PPL: variants seen among roughly 807,000 people sequenced by gnomAD.
PPL encodes the protein 190 kDa paraneoplastic pemphigus antigen.
A neutral mutation model predicts 194.4 loss-of-function variants in PPL; 198 were observed. The observed-to-expected ratio is 1.02, with a 90% CI of 0.91 to 1.15. PPL has a LOEUF of 1.15. PPL is among the 50% of genes most tolerant of loss of function. The probability of loss-of-function intolerance (pLI) is 0.00; values close to 1 mark genes in which losing one functional copy is unlikely to be tolerated. For synonymous variants in PPL, 1,220 were observed against 972.4 expected, an observed-to-expected ratio of 1.25 and a Z score of -4.74; for missense variants, 2,885 against 2,294.8, an observed-to-expected ratio of 1.26 and a Z score of -5.25.
At position 4,889,248 on chromosome 16, in the gene PPL, T is replaced by TGG. The variant is rs1567992876; in HGVS notation, c.2314-188_2314-187insCC. Among the ~76,000 whole-genome samples, 421 of 72,938 alleles carry TGG rather than the reference T, an allele frequency of 5.8e-3. 37 individuals carry two copies. The highest frequency in any genetic ancestry group is 0.02 in the African/African-American group (391 of 19,220). 47.9% of individuals were successfully genotyped at this position (72,938 alleles called of 152,430 possible). ...AGTTTTTTTGTTGTTGTTGTTTTTT[T>TGG]TTTTTTTTTTTTTTTTTTTTTTTTT... is the stretch of plus-strand genomic sequence containing the variant. On this transcript the variant is annotated intron_variant, in intron 18 of 21. Transcript: ENST00000345988.
In PPL at chr16:4,902,241, C is replaced by T. The variant is rs2088588581; in HGVS notation, c.438+165G>A. Among the ~76,000 whole-genome samples the T allele has an allele frequency of 6.6e-6, 1 of 152,200 alleles. No individual in the cohort carries two copies. The highest frequency in any genetic ancestry group is 1.5e-5 in the Non-Finnish European group (1 of 68,032). On this transcript the variant is annotated intron_variant, in intron 4 of 21. Transcript: ENST00000345988. This position sits in a 1 kb window ranked among gnomAD's most constrained non-coding sequence, Gnocchi z 4.0. ...GTGACCCTGACTTCGTGCTGCACTT[C>T]TCTGAGCCTCACTCTTCTCATGGGC...
At chr16:4,919,219 C>T (rs541912332) in intron 1 of PPL, among the ~76,000 whole-genome samples, 1 of 152,304 alleles carries the variant, frequency 6.6e-6, no homozygotes, top group Non-Finnish European at 1.5e-5. Flanking sequence ...GCCATCCAGC[C>T]CCACCTGCTC....
intron 1 of PPL, among the ~76,000 whole-genome samples, chr16:4,914,501 G>A (rs72633276): frequency 0.11 from 16,422 of 152,152 alleles, 1,169 homozygotes; most frequent in East Asian, 0.25. Flanking sequence ...CTTGCTTAAG[G>A]GCCAGCTTTG....
rs776708107 is a variant in PPL at position 4,884,040 on chromosome 16, G to A, written c.4615C>T (p.Arg1539Trp). 10 of 1,613,446 alleles carry A rather than the reference G, an allele frequency of 6.2e-6. No individual in the cohort carries two copies. Among genetic ancestry groups the A allele is most frequent in the African/African-American group, 5.3e-5 (4 of 74,922 alleles). Reference sequence around the variant, plus strand: ...AGCTCCGAAAGCCTGGCTTCCAGCCGGCTCACCTCGACGTCCAGCTCGCGC... The same window carrying A: ...AGCTCCGAAAGCCTGGCTTCCAGCCAGCTCACCTCGACGTCCAGCTCGCGC... Reference protein sequence around the residue: ...SKRELDVEVSRLEARLSELEF... With the variant: ...SKRELDVEVSWLEARLSELEF... Residue 1539 changes from arginine to tryptophan, a missense_variant, in exon 22 of 22, where the codon CGG (arginine) becomes TGG (tryptophan). Coordinates refer to ENST00000345988, the MANE Select transcript of PPL (RefSeq NM_002705.5). This position sits in a 1 kb window ranked among gnomAD's most constrained non-coding sequence, Gnocchi z 5.7.
chr16:4,921,011 G>A (rs1344062429), intron 1 of PPL, among the ~76,000 whole-genome samples: 1 of 152,214 alleles, frequency 6.6e-6, no homozygotes, highest in East Asian at 1.9e-4. Flanking sequence ...CAGCCTTGTT[G>A]ACGCTGTGGG....
chr16:4,928,534 C>A (rs2089187875), intron 1 of PPL, among the ~76,000 whole-genome samples: 1 of 152,246 alleles, frequency 6.6e-6, no homozygotes, highest in Non-Finnish European at 1.5e-5. Flanking sequence ...AGAAATAGAA[C>A]TTGCAGAATT....
Position 4,887,121 on chromosome 16 carries a change from C to T in PPL, c.2607+14G>A. 6.3e-7 allele frequency: 1 copy of T among 1,592,820 alleles called. No individual in the cohort carries two copies. On this transcript the variant is annotated intron_variant, in intron 21 of 21. Coordinates refer to ENST00000345988, the MANE Select transcript of PPL (RefSeq NM_002705.5). ...GAACAGCCTGAAGTAGAATTTCTTA[C>T]TAAGATCAGTTACCTGTCTGAGGAG...
At chr16:4,935,239 G>C (rs2089281439) in intron 1 of PPL, among the ~76,000 whole-genome samples, 1 of 152,192 alleles carries the variant, frequency 6.6e-6, no homozygotes, top group South Asian at 2.1e-4. Flanking sequence ...GCTTGTCTGG[G>C]TTCATTAGAA....
intron 3 of PPL, among the ~76,000 whole-genome samples, chr16:4,903,363 C>A (rs150579611): frequency 3.9e-5 from 6 of 152,304 alleles, no homozygotes; most frequent in African/African-American, 1.4e-4. Flanking sequence ...GGGATATCAA[C>A]TCCCTAAGCC....
rs1422618615 is a variant in PPL, at chr16:4,884,158, C to T, written c.4497G>A (p.Val1499=). 2 of 1,613,822 alleles carry T rather than the reference C, an allele frequency of 1.2e-6. No individual in the cohort carries two copies. The highest frequency in any genetic ancestry group is 1.7e-5 in the Admixed American group (1 of 59,998). The part of the protein sequence containing the change: ...ALEKAEVKEK[V]VLSESVQVEK... ...CCACCTGGACACTCTCGGAGAGCAC[C>T]ACCTTCTCCTTGACCTCCGCCTTCT... The change falls in exon 22 of 22, where the codon GTG becomes GTA. Residue 1499 remains valine (V), a synonymous_variant. Coordinates refer to ENST00000345988, the MANE Select transcript of PPL (RefSeq NM_002705.5). This position sits in a 1 kb window ranked among gnomAD's most constrained non-coding sequence, Gnocchi z 5.7.
At chr16:4,901,114 TAAG>T (rs1568016640) in intron 4 of PPL, 25 bp from the exon 5 acceptor site, 1 of 1,612,628 alleles carries the variant, frequency 6.2e-7, no homozygotes, top group East Asian at 2.2e-5. Flanking sequence ...AGAGAAGCAA[TAAG>T]GAGAGGGTGG....
At chr16:4,895,463 G>A (rs1394037106) in intron 10 of PPL, 56 bp from the exon 11 acceptor site, 3 of 1,606,056 alleles carry the variant, frequency 1.9e-6, no homozygotes, top group Non-Finnish European at 2.5e-6. Context: ...CCCCTGGTGG[G>A]AGGACGCAGA....
chr16:4,886,427 T>TA (rs2088220690), intron 21 of PPL, among the ~76,000 whole-genome samples: 2 of 152,234 alleles, frequency 1.3e-5, no homozygotes, highest in Admixed American at 1.3e-4. Context: ...TCACTGCACT[T>TA]ACAGAGCTCA....
In PPL at chr16:4,903,930, A is replaced by C; in HGVS notation, c.273T>G (p.Ile91Met). 1 of 1,614,046 alleles carries C rather than the reference A, an allele frequency of 6.2e-7. No individual in the cohort carries two copies. The stretch of plus-strand genomic sequence containing the variant: ...CCTGTGGGTGCTTCATGTGCTTGGC[A>C]ATGGCCGCATCCGCCTCTAGCACAT... Reference protein sequence around the residue: ...LLYVLEADAAIAKHMKHPQGD... With the variant: ...LLYVLEADAAMAKHMKHPQGD... The change falls in exon 3 of 22, where the codon ATT becomes ATG. Residue 91 changes from isoleucine (I) to methionine (M), a missense_variant. Ile to Met is a conservative substitution (Grantham distance 10). Transcript: ENST00000345988.
chr16:4,902,530 AT>A lies in PPL; in HGVS notation c.318-5del. 6.2e-7 allele frequency: 1 copy of A among 1,612,726 alleles called. No individual in the cohort carries two copies. The highest frequency in any genetic ancestry group is 1.1e-5 in the South Asian group (1 of 90,732). ...ACGCTCCTTCAGCTGGCGGATACTG[AT>A]GGGAGAGAGGCTCCCACTTAGTGGG... On this transcript the variant is annotated splice_region_variant and splice_polypyrimidine_tract_variant and intron_variant, in intron 3 of 21. Transcript: ENST00000345988. The surrounding 1 kb of genome is among the most constrained non-coding windows in gnomAD (Gnocchi z 4.0).
At chr16:4,909,541 C>A (rs1490126578) in intron 2 of PPL, among the ~76,000 whole-genome samples, 1 of 151,418 alleles carries the variant, frequency 6.6e-6, no homozygotes, top group Non-Finnish European at 1.5e-5. Flanking sequence ...ATTCTCCTGC[C>A]TCAGCCTCCT....
At chr16:4,930,223 G>A (rs2089209822) in intron 1 of PPL, among the ~76,000 whole-genome samples, 1 of 152,094 alleles carries the variant, frequency 6.6e-6, no homozygotes, top group African/African-American at 2.4e-5. Context: ...CGGCGTGGAG[G>A]ACCTCTCCTG....
intron 1 of PPL, 71 bp from the exon 2 acceptor site, chr16:4,911,020 C>T (rs1009624506): frequency 7.8e-7 from 1 of 1,283,366 alleles, no homozygotes; most frequent in African/African-American, 1.5e-5. Context: ...ACCAGCACCC[C>T]ATCCTCTGGC....
rs762022043 is a variant in PPL, at chr16:4,892,061, C to T, written c.1803G>A (p.Leu601=). Residue 601 remains leucine, a synonymous_variant, in exon 15 of 22, where the codon CTG becomes CTA. Transcript: ENST00000345988. The part of the protein sequence containing the change: ...EDTNRKYEHL[L]QLLDLAQEKV... ...TCTCCTGGGCCAAGTCCAGCAGCTG[C>T]AGGAGGTGCTCGTATTTCCGGTTGG... 1.9e-6 allele frequency: 3 copies of T among 1,613,760 alleles called. No homozygotes were observed. The highest frequency in any genetic ancestry group is 8.5e-7 in the Non-Finnish European group (1 of 1,179,954).
Sources: gnomAD v4.1 joint callset for allele counts (sites outside exome capture counted in the v4.1 genomes callset) on GRCh38, gnomAD v4.1.1 for gene constraint, Gnocchi (gnomAD v3.1) non-coding constraint, MANE v1.5 for transcripts, NCBI Gene and HGNC (gene_info 2026-07-23, HGNC 2026-07-21) for gene names.